ACTL6B: variants seen among roughly 807,000 people sequenced by gnomAD.
ACTL6B encodes actin-like protein 6B.
A neutral mutation model predicts 63.3 loss-of-function variants in ACTL6B; 48 were observed. The ratio of observed to expected loss-of-function variants is 0.76; its 90% CI spans 0.60 to 0.96. The LOEUF is 0.96. Ranked by LOEUF, ACTL6B falls within the 50% of genes least tolerant of loss-of-function variation. The pLI is 0.00. For synonymous variants in ACTL6B, 230 were observed against 223.8 expected (o/e 1.03, Z -0.25); for missense variants, 350 against 572.2 (o/e 0.61, Z 3.96).
At position 100,655,246 on chromosome 7, in the gene ACTL6B, C is replaced by G. The variant is rs1274295171; in HGVS notation, c.269-127G>C. 4.7e-5 allele frequency: 56 copies of G among 1,182,494 alleles called. 2 individuals carry two copies. In the South Asian group the frequency reaches 5.8e-4, roughly 12 times the overall value. The allele number at this position is 1,182,494 out of a possible 1,614,324, so 73.3% of individuals were successfully genotyped here. On this transcript the variant is annotated intron_variant, in intron 3 of 13. Transcript: ENST00000160382. The surrounding 1 kb of genome is among the most constrained non-coding windows in gnomAD (Gnocchi z 4.4). ...GAGTCCAGCTCCAGGGGAACGCCCC[C>G]CTTCCCAGAAACCTGGTGGGCCCCT...
rs1803838697 is a variant in ACTL6B at position 100,647,125 on chromosome 7, G to A, written c.822-40C>T. 6.2e-7 allele frequency: 1 copy of A among 1,612,322 alleles called. No individual in the cohort carries two copies. The highest frequency in any genetic ancestry group is 1.7e-5 in the Admixed American group (1 of 59,988). On this transcript the variant is annotated intron_variant, in intron 9 of 13. Transcript: ENST00000160382. The surrounding 1 kb of genome is among the most constrained non-coding windows in gnomAD (Gnocchi z 4.4). ...GCAGGACTCTGCCTGGGGTGCTCAA[G>A]AAGGATCAGTGCGTGGGCAGCACCA...
At chr7:100,652,975 T>TG (rs1803968070) in intron 4 of ACTL6B, among the ~76,000 whole-genome samples, 1 of 109,182 alleles carries the variant, frequency 9.2e-6, no homozygotes, top group African/African-American at 3.6e-5. Context: ...CACTCCAGCC[T>TG]GGTGACAGAG....
chr7:100,655,596 A>T lies in ACTL6B; in HGVS notation c.103-10T>A, dbSNP rs772830571. On this transcript the variant is annotated splice_polypyrimidine_tract_variant and intron_variant, in intron 2 of 13. Coordinates refer to ENST00000160382, the MANE Select transcript of ACTL6B (RefSeq NM_016188.5). This position sits in a 1 kb window ranked among gnomAD's most constrained non-coding sequence, Gnocchi z 4.4. ...TGGTGGGGAAGTCAGCCTGGTGGGG[A>T]AGGGTTGGGGGAGTATTGGCAGGGA... 2.5e-6 allele frequency: 4 copies of T among 1,609,536 alleles called. No individual in the cohort carries two copies. The highest frequency in any genetic ancestry group is 8.5e-7 in the Non-Finnish European group (1 of 1,177,972).
rs1259957083 is a variant in ACTL6B, at chr7:100,648,046, G to A, written c.669+510C>T. ...GCGATCTCGGCTCACTGCAACCTCT[G>A]CCTCCGGGGTTCAGGTGATTCTCCA... On this transcript the variant is annotated intron_variant, in intron 7 of 13. Transcript: ENST00000160382. The surrounding 1 kb of genome is among the most constrained non-coding windows in gnomAD (Gnocchi z 4.4). Among the ~76,000 whole-genome samples, 3 of 149,874 alleles carry A rather than the reference G, an allele frequency of 2.0e-5. No homozygotes were observed. The highest frequency in any genetic ancestry group is 6.7e-5 in the Admixed American group (1 of 14,890).
chr7:100,644,983 G>A lies in ACTL6B; in HGVS notation c.1200+1266C>T, dbSNP rs182349833. On this transcript the variant is annotated intron_variant, in intron 13 of 13. Coordinates refer to ENST00000160382, the MANE Select transcript of ACTL6B (RefSeq NM_016188.5). ...AGGCAGAAGAATCGCTTGAACCCAGGAGATGGAGGTTGCAGTGAGCCAAGA... is the reference window on the plus strand; with the variant it reads ...AGGCAGAAGAATCGCTTGAACCCAGAAGATGGAGGTTGCAGTGAGCCAAGA... Among the ~76,000 whole-genome samples, 14 of 152,298 alleles carry A rather than the reference G, an allele frequency of 9.2e-5. No individual in the cohort carries two copies. In the East Asian group the frequency reaches 2.7e-3, roughly 29 times the overall value.
rs751428702 is a variant in ACTL6B, at chr7:100,646,725, G to A, written c.1017+26C>T. On this transcript the variant is annotated intron_variant, in intron 11 of 13. Coordinates refer to ENST00000160382, the MANE Select transcript of ACTL6B (RefSeq NM_016188.5). This position sits in a 1 kb window ranked among gnomAD's most constrained non-coding sequence, Gnocchi z 6.1. ...CCCACTTCCCCTGGGCCCCTTTGCC[G>A]AGCCTCAGCTCCGGCCTGGCCTCAC... 39 of 1,613,114 alleles carry A rather than the reference G, an allele frequency of 2.4e-5. No individual in the cohort carries two copies. The East Asian group carries it at 5.1e-4, about 21-fold the overall frequency.
intron 4 of ACTL6B, 137 bp from the exon 5 acceptor site, chr7:100,650,272 A>G: frequency 1.5e-6 from 1 of 679,936 alleles, no homozygotes; most frequent in South Asian, 1.7e-5. Context: ...CACATACACA[A>G]CCTAAACACT....
At position 100,646,673 on chromosome 7, in the gene ACTL6B, G is replaced by A; in HGVS notation, c.1018-27C>T. On this transcript the variant is annotated intron_variant, in intron 11 of 13. Transcript: ENST00000160382. This position sits in a 1 kb window ranked among gnomAD's most constrained non-coding sequence, Gnocchi z 6.1. ...TGAGAGCAGGGAGAAGGAGTGAGCT[G>A]CGGGGGCAGCCCCCCAACCCCGTCT... 2 of 1,613,576 alleles carry A rather than the reference G, an allele frequency of 1.2e-6. No homozygotes were observed. The highest frequency in any genetic ancestry group is 1.7e-6 in the Non-Finnish European group (2 of 1,179,740).
At chr7:100,650,385 C>T (rs1038389886) in intron 4 of ACTL6B, among the ~76,000 whole-genome samples, 7 of 151,724 alleles carry the variant, frequency 4.6e-5, no homozygotes, top group African/African-American at 1.5e-4. Context: ...CACACATAAA[C>T]ACACACATGC....
At position 100,648,833 on chromosome 7, in the gene ACTL6B, G is replaced by T. The variant is rs1487730741; in HGVS notation, c.468-10C>A. ...CCGCCCGTTTGCAAAGCTGGCATCG[G>T]ATGGGTAAGTCAAAGAGACAGCAGC... On this transcript the variant is annotated splice_polypyrimidine_tract_variant and intron_variant, in intron 5 of 13. Transcript: ENST00000160382. This position sits in a 1 kb window ranked among gnomAD's most constrained non-coding sequence, Gnocchi z 4.4. 6.2e-7 allele frequency: 1 copy of T among 1,612,358 alleles called. No individual in the cohort carries two copies. The highest frequency in any genetic ancestry group is 1.7e-5 in the Admixed American group (1 of 59,848).
chr7:100,645,412 A>ACTCCGGGACAATCAAAACAGC (rs1336983629), intron 13 of ACTL6B, among the ~76,000 whole-genome samples: 1 of 151,572 alleles, frequency 6.6e-6, no homozygotes, highest in Non-Finnish European at 1.5e-5. Context: ...CCATGCTATG[A>ACTCCGGGACAATCAAAACAGC]CTCCGGGACA....
Position 100,646,450 on chromosome 7 carries a change from C to G in ACTL6B, c.1113+101G>C. 1.3e-6 allele frequency: 2 copies of G among 1,551,622 alleles called. No individual in the cohort carries two copies. Among genetic ancestry groups the G allele is most frequent in the Non-Finnish European group, 8.9e-7 (1 of 1,126,584 alleles). On this transcript the variant is annotated intron_variant, in intron 12 of 13. Coordinates refer to ENST00000160382, the MANE Select transcript of ACTL6B (RefSeq NM_016188.5). The surrounding 1 kb of genome is among the most constrained non-coding windows in gnomAD (Gnocchi z 6.1). ...AGGGGCAGGGGTTCTGCTCTGGTGG[C>G]CAGAACAGAAGGAAGGACATGGGAA...
chr7:100,655,875 C>A lies in ACTL6B; in HGVS notation c.30G>T (p.Glu10Asp). The A allele has an allele frequency of 6.4e-7, 1 of 1,568,690 alleles. No homozygotes were observed. Residue 10 changes from glutamate (E) to aspartate (D), a missense_variant, in exon 2 of 14, where the codon GAG becomes GAT. Transcript: ENST00000160382. This position sits in a 1 kb window ranked among gnomAD's most constrained non-coding sequence, Gnocchi z 4.4. The stretch of plus-strand genomic sequence containing the variant: ...CAATGTCAAAGACCAGCGCCCCCAC[C>A]TCATCTGTGCGGGGAGACAGGCCTG... MSGGVYGGD[E>D]VGALVFDIGS...
At position 100,643,327 on chromosome 7, in the gene ACTL6B, C is replaced by T. The variant is rs1263103111; in HGVS notation, c.1201-1G>A. Reference sequence around the variant, plus strand: ...AGATCCACATCTGCTGGAAAGTGCCCTGGGTGGAGGGGGTAATATCAGGGT... The same window carrying T: ...AGATCCACATCTGCTGGAAAGTGCCTTGGGTGGAGGGGGTAATATCAGGGT... On this transcript the variant is annotated splice_acceptor_variant, in intron 13 of 13. Transcript: ENST00000160382. LOFTEE classifies it high-confidence loss of function. 2 of 1,613,386 alleles carry T rather than the reference C, an allele frequency of 1.2e-6. No homozygotes were observed. The highest frequency in any genetic ancestry group is 1.3e-5 in the African/African-American group (1 of 74,822).
In ACTL6B at chr7:100,647,391, C is replaced by T. The variant is rs1803844682; in HGVS notation, c.759+53G>A. ...TCCCATGCGGGGCCTCTGTCCCGCC[C>T]CCGATTCATGGCAGGGGAGGGGGGT... On this transcript the variant is annotated intron_variant, in intron 8 of 13. Transcript: ENST00000160382. The surrounding 1 kb of genome is among the most constrained non-coding windows in gnomAD (Gnocchi z 4.4). 1 of 1,600,078 alleles carries T rather than the reference C, an allele frequency of 6.2e-7. No individual in the cohort carries two copies. Among genetic ancestry groups the T allele is most frequent in the Admixed American group, 1.7e-5 (1 of 59,898 alleles).
rs546608076 is a variant in ACTL6B, at chr7:100,643,258, T to G, written c.1269A>C (p.Arg423=). Residue 423 remains arginine, a synonymous_variant, in exon 14 of 14, where the codon CGA becomes CGC. Transcript: ENST00000160382. ...GGGAGGAGTGCCATCAGGGGCACTT[T>G]CGCTCCACGCACTGCTTCCCGCCCT... ...YEEGGKQCVE[R]KCP is the part of the protein sequence containing the mutation. The G allele has an allele frequency of 2.6e-5, 42 of 1,614,044 alleles. No homozygotes were observed. In the African/African-American group the frequency reaches 2.9e-4, roughly 11 times the overall value.
At chr7:100,654,626 C>T (rs1804003495) in intron 4 of ACTL6B, among the ~76,000 whole-genome samples, 1 of 151,370 alleles carries the variant, frequency 6.6e-6, no homozygotes, top group Non-Finnish European at 1.5e-5. Context: ...ACTAAAAATA[C>T]AAAAAATTAG....
Position 100,647,847 on chromosome 7 carries a change from CAG to C in ACTL6B, c.670-316_670-315del, listed in dbSNP as rs1803853121. On this transcript the variant is annotated intron_variant, in intron 7 of 13. Coordinates refer to ENST00000160382, the MANE Select transcript of ACTL6B (RefSeq NM_016188.5). This position sits in a 1 kb window ranked among gnomAD's most constrained non-coding sequence, Gnocchi z 4.4. ...AGGGCACGGAATGGAGCTAAGCACA[CAG>C]TGTCACTTCATACTCACAGCACCCT... The C allele has an allele frequency of 2.9e-6, 1 of 341,612 alleles. No individual in the cohort carries two copies. Among genetic ancestry groups the C allele is most frequent in the African/African-American group, 2.1e-5 (1 of 48,112 alleles). The allele number at this position is 341,612 out of a possible 1,614,324, so 21.2% of individuals were successfully genotyped here. A position where few individuals can be genotyped will look rare whatever the true frequency, so the allele number is the denominator to read the frequency against.
At position 100,648,253 on chromosome 7, in the gene ACTL6B, T is replaced by C. The variant is rs11770534; in HGVS notation, c.669+303A>G. 0.18 allele frequency: 41,073 copies of C among 222,622 alleles called. 4,121 individuals carry two copies. Among genetic ancestry groups the C allele is most frequent in the Non-Finnish European group, 0.21 (23,586 of 113,496 alleles). 13.8% of individuals were successfully genotyped at this position (222,622 alleles called of 1,614,324 possible). On this transcript the variant is annotated intron_variant, in intron 7 of 13. Transcript: ENST00000160382. This position sits in a 1 kb window ranked among gnomAD's most constrained non-coding sequence, Gnocchi z 4.4. ...GATTACAGGTGTGAGCCACCATGCC[T>C]GACCGGTCCTGCAGCTCTTGCACGG...
Sources: gnomAD v4.1 joint callset for allele counts (sites outside exome capture counted in the v4.1 genomes callset) on GRCh38, gnomAD v4.1.1 for gene constraint, Gnocchi (gnomAD v3.1) non-coding constraint, MANE v1.5 for transcripts, NCBI Gene and HGNC (gene_info 2026-07-23, HGNC 2026-07-21) for gene names.